C6: variants seen among roughly 807,000 people sequenced by gnomAD.
The protein encoded by C6 is complement component C6.
In C6, 101 loss-of-function variants were observed where a neutral mutation model predicts 112.9. The observed-to-expected ratio is 0.89, with a 90% CI of 0.76 to 1.06. The LOEUF is 1.06. Among genes scored for constraint, C6 ranks in the 50% least tolerant of loss-of-function variants. The pLI is 0.00. For missense variants in C6, 1,202 were observed against 1,104.6 expected (o/e 1.09, Z -1.25); for synonymous variants, 431 against 384.1 (o/e 1.12, Z -1.43).
chr5:41,204,627 A>G (rs1751282164), intron 1 of C6, among the ~76,000 whole-genome samples: 1 of 150,608 alleles, frequency 6.6e-6, no homozygotes, highest in South Asian at 2.1e-4. Flanking sequence ...ATGTTCAGAA[A>G]CTAGGGTATT....
intron 9 of C6, among the ~76,000 whole-genome samples, chr5:41,164,016 A>G (rs1747764820): frequency 1.3e-5 from 2 of 152,000 alleles, no homozygotes; most frequent in African/African-American, 4.8e-5. Context: ...TTAAGAACTC[A>G]GACTCTCAAT....
intron 1 of C6, among the ~76,000 whole-genome samples, chr5:41,229,131 A>G (rs1381068368): frequency 2.0e-5 from 3 of 152,052 alleles, no homozygotes; most frequent in Non-Finnish European, 4.4e-5. Context: ...AAAGAAAATC[A>G]ACTCTTAATT....
chr5:41,210,796 A>C (rs1021636751), intron 1 of C6, among the ~76,000 whole-genome samples: 1 of 152,202 alleles, frequency 6.6e-6, no homozygotes, highest in African/African-American at 2.4e-5. Flanking sequence ...GTGGGACTGT[A>C]AACTAGTTCA....
At chr5:41,198,314 T>C (rs569637969) in intron 4 of C6, among the ~76,000 whole-genome samples, 21 of 152,300 alleles carry the variant, frequency 1.4e-4, no homozygotes, top group Admixed American at 3.9e-4. Flanking sequence ...TTACTCCCAT[T>C]GACAGTGGCA....
intron 17 of C6, among the ~76,000 whole-genome samples, chr5:41,143,415 C>A (rs1180291119): frequency 1.3e-5 from 2 of 152,164 alleles, no homozygotes; most frequent in Non-Finnish European, 2.9e-5. Context: ...TCCTATCAAT[C>A]CATTTCTCCA....
chr5:41,259,619 A>G (rs1741920990), intron 1 of C6, among the ~76,000 whole-genome samples: 1 of 152,168 alleles, frequency 6.6e-6, no homozygotes. Flanking sequence ...AAAAAAATCA[A>G]TAAACCCCTT....
chr5:41,226,194 A>G (rs138289430), intron 1 of C6, among the ~76,000 whole-genome samples: 1,537 of 152,286 alleles, frequency 0.01, 33 homozygotes, highest in African/African-American at 0.035. Flanking sequence ...AATTTTTGCA[A>G]TCTACTCATC....
chr5:41,156,258 C>T (rs1746897816), intron 13 of C6, among the ~76,000 whole-genome samples: 1 of 152,174 alleles, frequency 6.6e-6, no homozygotes, highest in Non-Finnish European at 1.5e-5. Context: ...CTCTTCCCTT[C>T]TCTCAAGACC....
At chr5:41,167,154 G>A (rs1210325424) in intron 9 of C6, among the ~76,000 whole-genome samples, 1 of 152,004 alleles carries the variant, frequency 6.6e-6, no homozygotes, top group Non-Finnish European at 1.5e-5. Context: ...AGTCAAGAGA[G>A]AAAAAGAGCA....
At chr5:41,255,668 A>G (rs149936993) in intron 1 of C6, among the ~76,000 whole-genome samples, 1 of 152,264 alleles carries the variant, frequency 6.6e-6, no homozygotes, top group African/African-American at 2.4e-5. Flanking sequence ...TTTGTGGTCT[A>G]TGAAGGGAAG....
At chr5:41,250,150 G>A (rs535482089) in intron 1 of C6, among the ~76,000 whole-genome samples, 104 of 152,236 alleles carry the variant, frequency 6.8e-4, no homozygotes, top group Non-Finnish European at 1.3e-3. Flanking sequence ...GCTTTGCAGC[G>A]TCACACCCTA....
chr5:41,156,944 A>G (rs1378031447), intron 13 of C6, among the ~76,000 whole-genome samples: 1 of 152,170 alleles, frequency 6.6e-6, no homozygotes, highest in Non-Finnish European at 1.5e-5. Flanking sequence ...AACCTTGCCA[A>G]AAGTCCCTGT....
At chr5:41,214,402 C>T (rs10070736), upstream of C6, among the ~76,000 whole-genome samples, 15,895 of 152,124 alleles carry the variant, frequency 0.1, 802 homozygotes, top group African/African-American at 0.13. Flanking sequence ...GCTGGGAACC[C>T]ACCACTCAAA....
intron 1 of C6, among the ~76,000 whole-genome samples, chr5:41,235,211 T>C (rs1425440871): frequency 7.4e-6 from 1 of 135,364 alleles, no homozygotes; most frequent in African/African-American, 2.8e-5. Context: ...TATCTCCCAA[T>C]GCTATCCCTC....
intron 15 of C6, 99 bp downstream of exon 15, chr5:41,153,711 C>A (rs371440721): frequency 2.2e-6 from 2 of 912,518 alleles, no homozygotes; most frequent in African/African-American, 1.6e-5. Context: ...TCTTTTTTAG[C>A]CTCTCAGTGC....
intron 5 of C6, chr5:41,186,446 T>G: frequency 2.0e-6 from 1 of 510,566 alleles, no homozygotes; most frequent in Non-Finnish European, 3.5e-6. Context: ...CTTACTTAAT[T>G]GTTCTTGGCT....
intron 1 of C6, among the ~76,000 whole-genome samples, chr5:41,219,325 G>T (rs933551501): frequency 6.6e-6 from 1 of 152,176 alleles, no homozygotes; most frequent in African/African-American, 2.4e-5. Context: ...ATCTAGATTT[G>T]TCTGTAGGAT....
At chr5:41,159,343 G>T in intron 11 of C6, 90 bp from the exon 12 acceptor site, 1 of 1,524,848 alleles carries the variant, frequency 6.6e-7, no homozygotes. Context: ...TCACTTTTTA[G>T]CTCAGTAACT....
intron 1 of C6, among the ~76,000 whole-genome samples, chr5:41,257,197 T>C (rs1179427227): frequency 6.6e-6 from 1 of 152,112 alleles, no homozygotes; most frequent in Admixed American, 6.6e-5. Flanking sequence ...AAGTAGGCCC[T>C]GGTGTCTATT....
Sources: allele counts gnomAD v4.1 joint callset (sites outside exome capture counted in the v4.1 genomes callset), GRCh38; gene constraint gnomAD v4.1.1; transcripts MANE v1.5; gene names NCBI Gene and HGNC (gene_info 2026-07-23, HGNC 2026-07-21).